FAP: variants seen among roughly 807,000 people sequenced by gnomAD.
The protein encoded by FAP is fibroblast activation protein alpha.
FAP carries 110 observed loss-of-function variants against 126.5 expected under a neutral mutation model. The observed-to-expected ratio is 0.87, with a 90% CI of 0.74 to 1.02. FAP has a LOEUF of 1.02. FAP is among the 50% of genes least tolerant of loss of function. FAP has a pLI of 0.00. For synonymous variants in FAP, 334 were observed against 297.3 expected, an observed-to-expected ratio of 1.12 and a Z score of -1.27; for missense variants, 919 against 909.2, an observed-to-expected ratio of 1.01 and a Z score of -0.14.
At chr2:162,175,113 G>C (rs1323062755) in intron 21 of FAP, 147 bp from the exon 22 acceptor site, 1 of 567,448 alleles carries the variant, frequency 1.8e-6, no homozygotes, top group Admixed American at 3.2e-5. Flanking sequence ...TGCATCCTCG[G>C]CAGCAAGCTT....
At chr2:162,220,539 G>A (rs2033385037) in intron 6 of FAP, among the ~76,000 whole-genome samples, 1 of 152,122 alleles carries the variant, frequency 6.6e-6, no homozygotes, top group Non-Finnish European at 1.5e-5. Flanking sequence ...ATCTCCCCAG[G>A]GATCTGACTT....
At chr2:162,222,739 C>G (rs1201115318) in intron 6 of FAP, among the ~76,000 whole-genome samples, 1 of 152,116 alleles carries the variant, frequency 6.6e-6, no homozygotes, top group African/African-American at 2.4e-5. Context: ...TTATTGTCAT[C>G]AGAAAGAAAG....
intron 2 of FAP, among the ~76,000 whole-genome samples, chr2:162,239,831 G>A (rs1032819475): frequency 2.0e-5 from 3 of 152,182 alleles, no homozygotes; most frequent in African/African-American, 7.2e-5. Context: ...TATAAGCCAA[G>A]GAGGAATGGT....
At chr2:162,190,944 A>G (rs1283787014) in intron 17 of FAP, among the ~76,000 whole-genome samples, 2 of 152,152 alleles carry the variant, frequency 1.3e-5, no homozygotes, top group Admixed American at 6.6e-5. Context: ...TAAGATACAT[A>G]ATGAATTTCA....
chr2:162,195,866 C>G (rs921281680), intron 16 of FAP, among the ~76,000 whole-genome samples: 4 of 152,172 alleles, frequency 2.6e-5, no homozygotes, highest in Admixed American at 1.3e-4. Context: ...ACCCCACCCC[C>G]CCCAGATAGG....
At chr2:162,198,485 G>T in intron 16 of FAP, 1 of 711,700 alleles carries the variant, frequency 1.4e-6, no homozygotes, top group Non-Finnish European at 2.1e-6. Context: ...AGAGGCAACA[G>T]CACTTGCTTC....
intron 11 of FAP, among the ~76,000 whole-genome samples, chr2:162,212,799 T>C (rs2300750): frequency 0.037 from 5,581 of 152,248 alleles, 480 homozygotes; most frequent in Admixed American, 0.22. Context: ...TTAAAGAAAA[T>C]ATTTTGTATC....
At chr2:162,179,239 T>C (rs1687598932) in intron 21 of FAP, among the ~76,000 whole-genome samples, 1 of 131,944 alleles carries the variant, frequency 7.6e-6, no homozygotes, top group South Asian at 2.5e-4. Context: ...AAACAAAACT[T>C]GACAGGTTTT....
chr2:162,237,900 T>A (rs952159781), intron 2 of FAP, among the ~76,000 whole-genome samples: 1 of 152,240 alleles, frequency 6.6e-6, no homozygotes, highest in African/African-American at 2.4e-5. Context: ...CTAACTGGCA[T>A]GAGATGGTAT....
At chr2:162,209,922 A>G (rs1404912308) in intron 12 of FAP, 30 bp downstream of exon 12, 1 of 1,601,696 alleles carries the variant, frequency 6.2e-7, no homozygotes, top group Non-Finnish European at 8.5e-7. Flanking sequence ...AGTTTCATTA[A>G]AACATAAGAA....
intron 16 of FAP, among the ~76,000 whole-genome samples, chr2:162,196,912 G>A (rs1688275936): frequency 6.6e-6 from 1 of 152,184 alleles, no homozygotes; most frequent in South Asian, 2.1e-4. Flanking sequence ...TGGTGGAAAA[G>A]TCAGGCGATT....
chr2:162,239,795 G>T (rs1332658801), intron 2 of FAP, among the ~76,000 whole-genome samples: 3 of 152,162 alleles, frequency 2.0e-5, no homozygotes, highest in Admixed American at 6.5e-5. Flanking sequence ...CTGAAACGAG[G>T]TCAAATAGTT....
chr2:162,199,336 A>C (rs1403984905), intron 15 of FAP, among the ~76,000 whole-genome samples: 1 of 152,190 alleles, frequency 6.6e-6, no homozygotes, highest in Non-Finnish European at 1.5e-5. Flanking sequence ...AATTAATAAT[A>C]AGCAAATTGG....
intron 12 of FAP, among the ~76,000 whole-genome samples, chr2:162,206,831 G>C (rs940375043): frequency 5.9e-5 from 9 of 152,186 alleles, no homozygotes; most frequent in African/African-American, 1.9e-4. Context: ...GAGGAAAAAA[G>C]TGGTAAGTAA....
chr2:162,229,911 C>T (rs1195296083), intron 2 of FAP, among the ~76,000 whole-genome samples: 1 of 152,044 alleles, frequency 6.6e-6, no homozygotes, highest in East Asian at 1.9e-4. Context: ...TACTAATTGC[C>T]ATAATGAAAA....
Position 162,171,043 on chromosome 2 carries a change from G to C in FAP, c.2219C>G (p.Ser740Cys), listed in dbSNP as rs556310571. Reference protein sequence around the residue: ...SDQNHGLSGLSTNHLYTHMTH... With the variant: ...SDQNHGLSGLCTNHLYTHMTH... ...CATGTGGGTGTATAAGTGGTTCGTGGACAGGCCGGATAAGCCGTGGTTCTG... is the reference window on the plus strand; with the variant it reads ...CATGTGGGTGTATAAGTGGTTCGTGCACAGGCCGGATAAGCCGTGGTTCTG... The change falls in exon 26 of 26, where the codon TCC becomes TGC. Residue 740 changes from serine to cysteine, a missense_variant. By Grantham distance (112) the Ser-to-Cys change is moderately radical (BLOSUM62 -1). Coordinates refer to ENST00000188790, the MANE Select transcript of FAP (RefSeq NM_004460.5). The C allele has an allele frequency of 1.2e-6, 2 of 1,613,212 alleles. No individual in the cohort carries two copies. The highest frequency in any genetic ancestry group is 1.3e-5 in the African/African-American group (1 of 74,966).
intron 4 of FAP, 124 bp from the exon 5 acceptor site, chr2:162,224,664 GA>G (rs1689561189): frequency 9.7e-6 from 5 of 512,922 alleles, no homozygotes; most frequent in Non-Finnish European, 1.3e-5. Flanking sequence ...CAATGCAATT[GA>G]AAAAAATATT....
chr2:162,201,253 C>T (rs757882390), intron 14 of FAP, among the ~76,000 whole-genome samples: 3 of 152,224 alleles, frequency 2.0e-5, no homozygotes, highest in South Asian at 2.1e-4. Flanking sequence ...TTTTCCCCCA[C>T]GAATGTGAAA....
At chr2:162,234,345 G>C (rs76248302) in intron 2 of FAP, among the ~76,000 whole-genome samples, 1 of 152,106 alleles carries the variant, frequency 6.6e-6, no homozygotes, top group African/African-American at 2.4e-5. Context: ...ATAAACATGG[G>C]ATGTCTTTCC....
Sources: gnomAD v4.1 joint callset for allele counts (sites outside exome capture counted in the v4.1 genomes callset) on GRCh38, gnomAD v4.1.1 for gene constraint, MANE v1.5 for transcripts, NCBI Gene and HGNC (gene_info 2026-07-23, HGNC 2026-07-21) for gene names.